The following PLD1 variants were observed in gnomAD, a reference collection of about 807,000 sequenced individuals.
PLD1 encodes the protein choline phosphatase 1.
Under a neutral mutation model 137.1 loss-of-function variants are expected in PLD1, and 112 were observed. The observed-to-expected ratio is 0.82, with a 90% CI of 0.70 to 0.96. PLD1 has a LOEUF of 0.96. Among genes scored for constraint, PLD1 ranks in the 40% least tolerant of loss-of-function variants. The pLI is 0.00. For synonymous variants in PLD1, 431 were observed against 454.7 expected, an observed-to-expected ratio of 0.95 and a Z score of 0.66; for missense variants, 1,321 against 1,342.0, an observed-to-expected ratio of 0.98 and a Z score of 0.24.
At chr3:171,634,690 CT>C (rs1371924138) in intron 23 of PLD1, among the ~76,000 whole-genome samples, 2 of 152,134 alleles carry the variant, frequency 1.3e-5, no homozygotes, top group African/African-American at 4.8e-5. Flanking sequence ...TATACATGTA[CT>C]AAAAACTTGT....
chr3:171,762,052 A>G (rs866056474), intron 1 of PLD1, among the ~76,000 whole-genome samples: 2 of 152,354 alleles, frequency 1.3e-5, no homozygotes, highest in African/African-American at 4.8e-5. Flanking sequence ...TCATTCAACC[A>G]TATGTAAAAT....
intron 11 of PLD1, among the ~76,000 whole-genome samples, chr3:171,701,090 A>G (rs1156288809): frequency 6.6e-6 from 1 of 152,234 alleles, no homozygotes; most frequent in Non-Finnish European, 1.5e-5. Flanking sequence ...TAAAGAGATT[A>G]AAAGAAATCA....
At chr3:171,626,547 T>C (rs1309600937) in intron 23 of PLD1, among the ~76,000 whole-genome samples, 1 of 152,100 alleles carries the variant, frequency 6.6e-6, no homozygotes, top group Non-Finnish European at 1.5e-5. Context: ...AGGCACATAA[T>C]TGTCAGATTC....
intron 11 of PLD1, among the ~76,000 whole-genome samples, chr3:171,702,136 T>C (rs1716299485): frequency 6.6e-6 from 1 of 152,134 alleles, no homozygotes; most frequent in Admixed American, 6.6e-5. Flanking sequence ...AAACTAGATG[T>C]TGACTCTTTG....
At chr3:171,733,698 A>G (rs980667323) in intron 5 of PLD1, among the ~76,000 whole-genome samples, 189 bp from the exon 6 acceptor site, 4 of 152,172 alleles carry the variant, frequency 2.6e-5, no homozygotes, top group Non-Finnish European at 4.4e-5. Flanking sequence ...TTTCTCTTGA[A>G]CTATTATTTA....
intron 25 of PLD1, among the ~76,000 whole-genome samples, chr3:171,606,211 T>A (rs926808619): frequency 2.0e-5 from 3 of 152,098 alleles, no homozygotes; most frequent in African/African-American, 4.8e-5. Flanking sequence ...GACTACAAGG[T>A]TTTTGTCTTG....
intron 18 of PLD1, among the ~76,000 whole-genome samples, chr3:171,675,707 T>C (rs1043433960): frequency 6.6e-6 from 1 of 152,202 alleles, no homozygotes; most frequent in Admixed American, 6.5e-5. Context: ...TTTATAATCA[T>C]TATGTGAATG....
intron 16 of PLD1, 140 bp from the exon 17 acceptor site, chr3:171,677,834 A>C: frequency 1.3e-6 from 1 of 766,880 alleles, no homozygotes; most frequent in East Asian, 2.7e-5. Context: ...CCATTCTATT[A>C]CAGGCTGTGG....
intron 8 of PLD1, among the ~76,000 whole-genome samples, chr3:171,723,558 G>T (rs1055396053): frequency 6.6e-6 from 1 of 152,058 alleles, no homozygotes; most frequent in African/African-American, 2.4e-5. Context: ...ACTGTTCTCC[G>T]TAGTCGTCGT....
chr3:171,779,111 C>T (rs907655854), intron 1 of PLD1, among the ~76,000 whole-genome samples: 1 of 152,178 alleles, frequency 6.6e-6, no homozygotes, highest in Non-Finnish European at 1.5e-5. Flanking sequence ...ATCGCTTGAA[C>T]CCAGGAGGCA....
chr3:171,701,436 G>T (rs577629973), intron 11 of PLD1, among the ~76,000 whole-genome samples: 191 of 152,324 alleles, frequency 1.3e-3, no homozygotes, highest in Non-Finnish European at 2.2e-3. Flanking sequence ...GCAATTTTTT[G>T]ATGTGTACAT....
Position 171,612,996 on chromosome 3 carries a change from G to A in PLD1, c.2729-564C>T, listed in dbSNP as rs1336779518. On this transcript the variant is annotated intron_variant, in intron 24 of 26. Coordinates refer to ENST00000351298, the MANE Select transcript of PLD1 (RefSeq NM_002662.5). The surrounding 1 kb of genome is among the most constrained non-coding windows in gnomAD (Gnocchi z 4.1). ...CAGCCTGGACAACATAGCGAGACCTGGTCTCTACAAAAAGTTTTTAAAAAT... is the reference window on the plus strand; with the variant it reads ...CAGCCTGGACAACATAGCGAGACCTAGTCTCTACAAAAAGTTTTTAAAAAT... 6.6e-6 allele frequency among the ~76,000 whole-genome samples: 1 copy of A among 152,038 alleles called. No homozygotes were observed. Among genetic ancestry groups the A allele is most frequent in the Non-Finnish European group, 1.5e-5 (1 of 68,004 alleles).
intron 19 of PLD1, among the ~76,000 whole-genome samples, chr3:171,663,368 A>G (rs139533777): frequency 1.0e-3 from 157 of 152,306 alleles, no homozygotes; most frequent in African/African-American, 3.5e-3. Context: ...TCAACTATTT[A>G]CTGGCTGTTG....
At chr3:171,621,060 A>G (rs1019908287) in intron 23 of PLD1, among the ~76,000 whole-genome samples, 5 of 152,086 alleles carry the variant, frequency 3.3e-5, no homozygotes, top group Non-Finnish European at 5.9e-5. Flanking sequence ...AATTCTGCAG[A>G]CTTTGGGTAA....
At chr3:171,609,446 T>C (rs1732468676) in intron 25 of PLD1, among the ~76,000 whole-genome samples, 1 of 151,536 alleles carries the variant, frequency 6.6e-6, no homozygotes, top group South Asian at 2.1e-4. Flanking sequence ...CACAGCACTA[T>C]TCACAATAGC....
chr3:171,711,386 G>T (rs1268406876), intron 9 of PLD1, among the ~76,000 whole-genome samples: 3 of 148,240 alleles, frequency 2.0e-5, no homozygotes, highest in Non-Finnish European at 4.5e-5. Context: ...GGCCAGGCTG[G>T]TCTCAAACTC....
chr3:171,603,161 G>C lies in PLD1; in HGVS notation c.3142C>G (p.Pro1048Ala), dbSNP rs1731946396. 5 of 1,613,968 alleles carry C rather than the reference G, an allele frequency of 3.1e-6. No individual in the cohort carries two copies. The highest frequency in any genetic ancestry group is 3.3e-5 in the Admixed American group (2 of 59,972). The part of the protein sequence containing the change: ...KKIRGFLVQF[P>A]FYFLSEESLL... ...CTTTCTTCAGACAAGAAATAAAAGG[G>C]GAATTGCACCAAAAATCCACGGATC... The change falls in exon 27 of 27, where the codon CCC becomes GCC. Residue 1048 changes from proline (P) to alanine (A), a missense_variant. Pro to Ala is a conservative substitution (Grantham distance 27, BLOSUM62 -1). Coordinates refer to ENST00000351298, the MANE Select transcript of PLD1 (RefSeq NM_002662.5).
chr3:171,680,519 C>A (rs1713872701), intron 16 of PLD1, among the ~76,000 whole-genome samples: 1 of 152,112 alleles, frequency 6.6e-6, no homozygotes, highest in South Asian at 2.1e-4. Context: ...CAGGCGTGAG[C>A]CACCACACCC....
chr3:171,705,210 G>A (rs888942197), intron 11 of PLD1, among the ~76,000 whole-genome samples: 11 of 152,174 alleles, frequency 7.2e-5, no homozygotes, highest in Non-Finnish European at 1.5e-4. Flanking sequence ...AGAAGGAGGA[G>A]AGAAAGAGGA....
Sources: gnomAD v4.1 joint callset for allele counts (sites outside exome capture counted in the v4.1 genomes callset) on GRCh38, gnomAD v4.1.1 for gene constraint, Gnocchi (gnomAD v3.1) non-coding constraint, MANE v1.5 for transcripts, NCBI Gene and HGNC (gene_info 2026-07-23, HGNC 2026-07-21) for gene names.